Variants in RBFOX1 observed in about 807,000 individuals in gnomAD.
RBFOX1 encodes the protein RNA binding protein fox-1 homolog 1.
A neutral mutation model predicts 57.7 loss-of-function variants in RBFOX1; 8 were observed. The ratio of observed to expected loss-of-function variants is 0.14; its 90% confidence interval spans 0.08 to 0.25. The LOEUF is 0.25. Among genes scored for constraint, RBFOX1 ranks in the 10% least tolerant of loss-of-function variants. The probability of loss-of-function intolerance (pLI) is 1.00; values close to 1 mark genes in which losing one functional copy is unlikely to be tolerated. For missense variants in RBFOX1, 611 were observed against 548.5 expected (o/e 1.11, Z -1.14); for synonymous variants, 326 against 222.4 (o/e 1.47, Z -4.15).
chr16:7,079,676 C>T (rs116353805), intron 4 of RBFOX1, among the ~76,000 whole-genome samples: 3 of 152,180 alleles, frequency 2.0e-5, no homozygotes, highest in East Asian at 3.9e-4. Context: ...GAAAAGTAAA[C>T]ATTTTCCTGC....
At chr16:6,552,558 G>A (rs924573292) in intron 2 of RBFOX1, among the ~76,000 whole-genome samples, 1 of 152,180 alleles carries the variant, frequency 6.6e-6, no homozygotes, top group Non-Finnish European at 1.5e-5. Context: ...AGTGTTGTGT[G>A]CATTGATGGC....
intron 3 of RBFOX1, among the ~76,000 whole-genome samples, chr16:5,742,164 A>G (rs1303307039): frequency 6.6e-6 from 1 of 152,122 alleles, no homozygotes; most frequent in African/African-American, 2.4e-5. Context: ...TCAAGATGGG[A>G]AATTTGGGCA....
chr16:6,134,660 A>G (rs1472047018), intron 1 of RBFOX1, among the ~76,000 whole-genome samples: 2 of 151,054 alleles, frequency 1.3e-5, no homozygotes, highest in African/African-American at 4.9e-5. Context: ...TGGCCCAGCA[A>G]TCTTTGTGCT....
chr16:7,555,742 G>A (rs752447086), intron 5 of RBFOX1, among the ~76,000 whole-genome samples: 1 of 152,108 alleles, frequency 6.6e-6, no homozygotes, highest in African/African-American at 2.4e-5. Context: ...AGCTCTCCCT[G>A]TGGCCCACTC....
intron 7 of RBFOX1, among the ~76,000 whole-genome samples, chr16:7,592,344 AC>A (rs1387560286): frequency 6.6e-6 from 1 of 152,122 alleles, no homozygotes; most frequent in South Asian, 2.1e-4. Context: ...TTCTCTTTCC[AC>A]CTTTGTCTTT....
chr16:6,104,746 A>G (rs1490995351), intron 1 of RBFOX1, among the ~76,000 whole-genome samples: 1 of 152,236 alleles, frequency 6.6e-6, no homozygotes, highest in African/African-American at 2.4e-5. Flanking sequence ...AGATAAAACA[A>G]AAAAACAGAA....
At chr16:5,320,672 G>A (rs949210304) in intron 1 of RBFOX1, among the ~76,000 whole-genome samples, 1 of 152,206 alleles carries the variant, frequency 6.6e-6, no homozygotes, top group African/African-American at 2.4e-5. Context: ...TGCTCAGGCA[G>A]GTGTAGCCAC....
chr16:6,601,100 G>A (rs1022534445), intron 2 of RBFOX1, among the ~76,000 whole-genome samples: 1 of 152,168 alleles, frequency 6.6e-6, no homozygotes, highest in African/African-American at 2.4e-5. Flanking sequence ...AACAGCTTAG[G>A]GATTTAAGTA....
At chr16:7,410,198 G>C (rs999166803) in intron 4 of RBFOX1, among the ~76,000 whole-genome samples, 2 of 152,212 alleles carry the variant, frequency 1.3e-5, no homozygotes, top group East Asian at 3.8e-4. Context: ...CATCTGCGCT[G>C]GGTGACCGCT....
At chr16:7,316,585 G>T (rs1019934268) in intron 4 of RBFOX1, among the ~76,000 whole-genome samples, 1 of 152,202 alleles carries the variant, frequency 6.6e-6, no homozygotes, top group African/African-American at 2.4e-5. Context: ...TTACAAGTCT[G>T]TGGGAGAGAG....
chr16:7,658,527 C>G (rs959503900), intron 12 of RBFOX1, among the ~76,000 whole-genome samples: 1 of 152,136 alleles, frequency 6.6e-6, no homozygotes, highest in Admixed American at 6.5e-5. Context: ...AATTGCTGTT[C>G]AGGGAGCTCA....
intron 4 of RBFOX1, among the ~76,000 whole-genome samples, chr16:7,284,737 T>C (rs947178924): frequency 1.3e-5 from 2 of 152,194 alleles, no homozygotes; most frequent in Non-Finnish European, 2.9e-5. Context: ...CCTCACGGTT[T>C]ATCTGTGCCT....
chr16:5,313,367 C>A lies in RBFOX1; in HGVS notation c.219+73262C>A, dbSNP rs1641860662. Reference sequence around the variant, plus strand: ...TTCCCCACAGTGATGTGACTCCTAGCATTAGTGCCATTGCTGTGTCTTTGG... The same window carrying A: ...TTCCCCACAGTGATGTGACTCCTAGAATTAGTGCCATTGCTGTGTCTTTGG... On this transcript the variant is annotated intron_variant, in intron 1 of 2. Transcript: ENST00000585867. Among the ~76,000 whole-genome samples, 3 of 152,164 alleles carry A rather than the reference C, an allele frequency of 2.0e-5. No homozygotes were observed. In the South Asian group the frequency reaches 6.2e-4, roughly 31 times the overall value.
At chr16:6,619,513 T>C (rs2098194675) in intron 2 of RBFOX1, among the ~76,000 whole-genome samples, 1 of 152,094 alleles carries the variant, frequency 6.6e-6, no homozygotes, top group African/African-American at 2.4e-5. Context: ...TTCTGCTTAG[T>C]TAGGAGAGGA....
chr16:5,883,454 C>G lies in RBFOX1; in HGVS notation c.351+16119C>G, dbSNP rs7199613. Among the ~76,000 whole-genome samples, 3 of 152,062 alleles carry G rather than the reference C, an allele frequency of 2.0e-5. 1 individual carries two copies. The highest frequency in any genetic ancestry group is 4.4e-5 in the Non-Finnish European group (3 of 68,028). On this transcript the variant is annotated intron_variant, in intron 4 of 19. Transcript: ENST00000641259. The stretch of plus-strand genomic sequence containing the variant: ...TGCCTCATAACTATTCATCTCTTAG[C>G]ATTGCATCTTACCATATTGGTAAGT...
At chr16:6,272,655 T>G (rs2075332222) in intron 1 of RBFOX1, among the ~76,000 whole-genome samples, 1 of 152,120 alleles carries the variant, frequency 6.6e-6, no homozygotes, top group Non-Finnish European at 1.5e-5. Context: ...AAGTATAAAG[T>G]GGGAGAAATG....
At chr16:7,401,025 A>G (rs747737318) in intron 4 of RBFOX1, among the ~76,000 whole-genome samples, 2 of 152,208 alleles carry the variant, frequency 1.3e-5, no homozygotes, top group African/African-American at 4.8e-5. Flanking sequence ...GAAGTATGAT[A>G]TATTGCCCGA....
intron 4 of RBFOX1, among the ~76,000 whole-genome samples, chr16:7,436,382 A>T (rs2098721498): frequency 6.6e-6 from 1 of 152,178 alleles, no homozygotes; most frequent in Non-Finnish European, 1.5e-5. Flanking sequence ...TGCGTGTCAT[A>T]TATTTTGTAA....
chr16:6,479,147 A>C (rs954774561), intron 2 of RBFOX1, among the ~76,000 whole-genome samples: 5 of 152,238 alleles, frequency 3.3e-5, no homozygotes, highest in Non-Finnish European at 7.3e-5. Context: ...ATACTGTATT[A>C]GTCCGTTCTA....
Sources: allele counts gnomAD v4.1 joint callset (sites outside exome capture counted in the v4.1 genomes callset), GRCh38; gene constraint gnomAD v4.1.1; transcripts MANE v1.5; gene names NCBI Gene and HGNC (gene_info 2026-07-23, HGNC 2026-07-21).